CD81: variants seen among roughly 807,000 people sequenced by gnomAD.
CD81 encodes CD81 antigen.
CD81 carries 10 observed loss-of-function variants against 30.1 expected under a neutral mutation model. The ratio of observed to expected loss-of-function variants is 0.33; its 90% confidence interval spans 0.21 to 0.56. The LOEUF (loss-of-function observed/expected upper bound fraction) is 0.56, where lower values mean the gene tolerates loss of function less well. Ranked by LOEUF, CD81 falls within the 20% of genes least tolerant of loss-of-function variation. CD81 has a pLI of 0.89. For missense variants in CD81, 263 were observed against 308.7 expected (o/e 0.85, Z 1.11); for synonymous variants, 147 against 126.4 (o/e 1.16, Z -1.10).
At chr11:2,396,009 T>A in intron 6 of CD81, 39 bp downstream of exon 6, 1 of 1,380,080 alleles carries the variant, frequency 7.2e-7, no homozygotes, top group South Asian at 1.2e-5. Flanking sequence ...ACCCCCCGCA[T>A]GTCCCGCCCC....
At chr11:2,381,532 T>TGAA (rs1817747256) in intron 1 of CD81, among the ~76,000 whole-genome samples, 1 of 152,246 alleles carries the variant, frequency 6.6e-6, no homozygotes, top group Non-Finnish European at 1.5e-5. Flanking sequence ...TCCCTACCCC[T>TGAA]ATTTCCGCAC....
At chr11:2,379,114 T>G (rs1231688323) in intron 1 of CD81, 1 of 454,876 alleles carries the variant, frequency 2.2e-6, no homozygotes, top group Non-Finnish European at 4.4e-6. Context: ...CAGCCGTTGC[T>G]TAGTGGTGGC....
In CD81 at chr11:2,396,339, G is replaced by A. The variant is rs1030525379; in HGVS notation, c.562-289G>A. The A allele has an allele frequency of 5.7e-5, 33 of 579,592 alleles. 2 individuals carry two copies. The highest frequency in any genetic ancestry group is 3.8e-4 in the South Asian group (19 of 50,206). The allele number at this position is 579,592 out of a possible 1,614,324, so 35.9% of individuals were successfully genotyped here. On this transcript the variant is annotated intron_variant, in intron 6 of 7. Transcript: ENST00000263645. ...TCCTGCTGAGGCCTCAGTGGAAGTC[G>A]TCATCAGTGATGCTTTAGGGGTCTA...
chr11:2,385,351 C>T (rs566913648), intron 1 of CD81, among the ~76,000 whole-genome samples: 1 of 152,326 alleles, frequency 6.6e-6, no homozygotes, highest in African/African-American at 2.4e-5. Flanking sequence ...TGCCCCTCCT[C>T]CCCGTCCCAG....
intron 6 of CD81, 161 bp downstream of exon 6, chr11:2,396,131 C>T (rs1007728713): frequency 4.2e-5 from 28 of 669,660 alleles, no homozygotes; most frequent in Non-Finnish European, 6.5e-5. Context: ...GGGGTGGGAC[C>T]GCATCTGGCC....
intron 1 of CD81, chr11:2,386,058 C>T (rs2133449370): frequency 4.2e-6 from 3 of 717,368 alleles, no homozygotes; most frequent in Middle Eastern, 2.3e-4. Flanking sequence ...CCTCCCCCAG[C>T]AGCATGTGGT....
At chr11:2,383,184 C>T (rs1018903874) in intron 1 of CD81, among the ~76,000 whole-genome samples, 8 of 152,320 alleles carry the variant, frequency 5.3e-5, no homozygotes, top group African/African-American at 1.4e-4. Context: ...GTGGAGCTTC[C>T]GCTTCCTGGC....
chr11:2,385,746 C>T (rs549152499), intron 1 of CD81: 24 of 490,052 alleles, frequency 4.9e-5, no homozygotes, highest in African/African-American at 3.5e-4. Flanking sequence ...CTTTTATTGC[C>T]GGGCAGGGTT....
chr11:2,380,434 C>T (rs1365747054), intron 1 of CD81, among the ~76,000 whole-genome samples: 1 of 152,106 alleles, frequency 6.6e-6, no homozygotes, highest in Admixed American at 6.5e-5. Context: ...TGTGCACACA[C>T]ACACACTCCC....
Position 2,386,773 on chromosome 11 carries a change from C to T in CD81, c.67-3639C>T. 6.2e-6 allele frequency: 4 copies of T among 646,962 alleles called. No individual in the cohort carries two copies. The South Asian group carries it at 6.7e-5, about 11-fold the overall frequency. 40.1% of individuals were successfully genotyped at this position (646,962 alleles called of 1,614,324 possible). On this transcript the variant is annotated intron_variant, in intron 1 of 7. Coordinates refer to ENST00000263645, the MANE Select transcript of CD81 (RefSeq NM_004356.4). ...GCGTCACCCCCATTTCCGGCTGTCC[C>T]TCCCACCCCCTCCTGGCCCAGCTGT... is the stretch of plus-strand genomic sequence containing the variant.
Position 2,396,933 on chromosome 11 carries a change from G to T in CD81, c.*67G>T. The stretch of plus-strand genomic sequence containing the variant: ...TAAGTGACCCGGACACTTCCGAGGG[G>T]GCCATCACCGCCTGTGTATATAACG... On this transcript the variant is annotated 3_prime_UTR_variant, in exon 8 of 8. Transcript: ENST00000263645. The T allele has an allele frequency of 7.1e-7, 1 of 1,408,090 alleles. No individual in the cohort carries two copies. The allele number at this position is 1,408,090 out of a possible 1,614,324, so 87.2% of individuals were successfully genotyped here.
intron 1 of CD81, among the ~76,000 whole-genome samples, chr11:2,388,957 C>T (rs1236387757): frequency 2.0e-5 from 3 of 152,288 alleles, no homozygotes; most frequent in Non-Finnish European, 4.4e-5. Flanking sequence ...GGGCTGTGCA[C>T]GGCTCATCTG....
chr11:2,390,687 T>G (rs1849883337), intron 2 of CD81, among the ~76,000 whole-genome samples, 161 bp downstream of exon 2: 1 of 152,014 alleles, frequency 6.6e-6, no homozygotes, highest in Non-Finnish European at 1.5e-5. Context: ...AGGGTTGAGA[T>G]GGAGGTGGGC....
intron 1 of CD81, chr11:2,385,688 G>A (rs1466971635): frequency 6.2e-5 from 11 of 178,256 alleles, no homozygotes; most frequent in Admixed American, 3.0e-4. Context: ...GTGCCGTGGC[G>A]TGCCCGTCGT....
chr11:2,396,002 C>G (rs765678671), intron 6 of CD81, 32 bp downstream of exon 6: 5 of 1,426,330 alleles, frequency 3.5e-6, no homozygotes, highest in Non-Finnish European at 4.9e-6. Context: ...GCGCCTGACC[C>G]CCCGCATGTC....
chr11:2,390,361 C>T, intron 1 of CD81, 51 bp from the exon 2 acceptor site: 1 of 1,413,018 alleles, frequency 7.1e-7, no homozygotes. Context: ...TGGGCGCACT[C>T]CCTGCTGCAG....
At chr11:2,396,563 G>T in intron 6 of CD81, 65 bp from the exon 7 acceptor site, 2 of 1,340,606 alleles carry the variant, frequency 1.5e-6, no homozygotes, top group Non-Finnish European at 1.1e-6. Context: ...GGATTACTGC[G>T]TGACAACGGG....
At chr11:2,390,594 T>C in intron 2 of CD81, 68 bp downstream of exon 2, 3 of 1,119,966 alleles carry the variant, frequency 2.7e-6, no homozygotes, top group Admixed American at 3.5e-5. Flanking sequence ...CCTAGCCTTT[T>C]GGATGGGGAC....
chr11:2,389,712 G>A (rs1029844420), intron 1 of CD81, among the ~76,000 whole-genome samples: 39 of 150,258 alleles, frequency 2.6e-4, no homozygotes, highest in African/African-American at 9.6e-4. Context: ...CCACAGCAGC[G>A]TCCTTCCTCC....
Sources: gnomAD v4.1 joint callset for allele counts (sites outside exome capture counted in the v4.1 genomes callset) on GRCh38, gnomAD v4.1.1 for gene constraint, MANE v1.5 for transcripts, NCBI Gene and HGNC (gene_info 2026-07-23, HGNC 2026-07-21) for gene names.